GLRA2: variants seen among roughly 807,000 people sequenced by gnomAD.
GLRA2 encodes the protein glycine receptor subunit alpha-2.
A neutral mutation model predicts 31.6 loss-of-function variants in GLRA2; 11 were observed. That is an observed-to-expected ratio of 0.35 (90% CI 0.22 to 0.58). GLRA2 has a LOEUF of 0.58. GLRA2 is among the 20% of genes least tolerant of loss of function. The probability of loss-of-function intolerance (pLI) is 0.84; values close to 1 mark genes in which losing one functional copy is unlikely to be tolerated. For missense variants in GLRA2, 212 were observed against 351.8 expected, an observed-to-expected ratio of 0.60 and a Z score of 3.18; for synonymous variants, 132 against 134.0, an observed-to-expected ratio of 0.99 and a Z score of 0.10.
At chrX:14,618,147 C>T (rs2090474285) in intron 7 of GLRA2, among the ~76,000 whole-genome samples, 1 of 111,972 alleles carries the variant, frequency 8.9e-6, no homozygotes, top group Non-Finnish European at 1.9e-5. Context: ...TTCCAGGAAG[C>T]TTTCTCAAAT....
Position 14,564,465 on chromosome X carries a change from C to CT in GLRA2, c.203-9866dup, listed in dbSNP as rs760955328. Among the ~76,000 whole-genome samples the CT allele has an allele frequency of 1.8e-3, 203 of 111,654 alleles. 1 individual carries two copies. The highest frequency in any genetic ancestry group is 6.5e-3 in the African/African-American group (199 of 30,841). ...CCTACGAGAAATGATAAAGGGAGTC[C>CT]TTCAAGCTGAAATAAAAGGATGCTA... On this transcript the variant is annotated intron_variant, in intron 2 of 8. Coordinates refer to ENST00000218075, the MANE Select transcript of GLRA2 (RefSeq NM_002063.4).
rs764881648 is a variant in GLRA2, at chrX:14,615,220, G to T, written c.930+6015G>T. 3.6e-5 allele frequency among the ~76,000 whole-genome samples: 4 copies of T among 112,039 alleles called. No individual in the cohort carries two copies. In the South Asian group the frequency reaches 1.5e-3, roughly 42 times the overall value. On this transcript the variant is annotated intron_variant, in intron 7 of 8. Coordinates refer to ENST00000218075, the MANE Select transcript of GLRA2 (RefSeq NM_002063.4). ...GCACAACACCTGGTTCACAGTAGGT[G>T]CTCAGTAAAGAGTAAATCAGTGAAT...
chrX:14,686,017 G>A (rs1377374906), intron 7 of GLRA2, among the ~76,000 whole-genome samples: 1 of 111,532 alleles, frequency 9.0e-6, no homozygotes, highest in Non-Finnish European at 1.9e-5. Context: ...TTGTGTCTTT[G>A]TTCTCATTGG....
the GLRA2 span, among the ~76,000 whole-genome samples, chrX:14,487,114 T>TA: frequency 9.1e-6 from 1 of 110,406 alleles, no homozygotes; most frequent in African/African-American, 3.3e-5. Flanking sequence ...ATATATTTAA[T>TA]AAAAAACACA....
At chrX:14,523,247 C>T in the GLRA2 span, among the ~76,000 whole-genome samples, 3 of 111,766 alleles carry the variant, frequency 2.7e-5, no homozygotes, top group African/African-American at 9.8e-5. Flanking sequence ...CAGCTTCAAA[C>T]TTTTCTTCTG....
intron 7 of GLRA2, among the ~76,000 whole-genome samples, chrX:14,622,793 C>T (rs1025335431): frequency 2.7e-5 from 3 of 111,659 alleles, no homozygotes; most frequent in Non-Finnish European, 3.8e-5. Context: ...AGCGTGATGC[C>T]TCCAGCTTTA....
At chrX:14,550,274 A>T (rs187347854) in intron 2 of GLRA2, among the ~76,000 whole-genome samples, 3,073 of 105,641 alleles carry the variant, frequency 0.029, 52 homozygotes, top group East Asian at 0.061. Context: ...TTTTTTTTTT[A>T]AAATTAAGAT....
At chrX:14,478,883 G>T in the GLRA2 span, among the ~76,000 whole-genome samples, 2 of 111,982 alleles carry the variant, frequency 1.8e-5, no homozygotes, top group Admixed American at 9.5e-5. Flanking sequence ...TTGTGAGAAG[G>T]TGGGCACACA....
chrX:14,495,583 T>C, the GLRA2 span, among the ~76,000 whole-genome samples: 9 of 108,852 alleles, frequency 8.3e-5, no homozygotes, highest in African/African-American at 3.0e-4. Flanking sequence ...TCTGTGTGAG[T>C]GTGTGTATAT....
At chrX:14,583,000 A>G (rs2090039649) in intron 4 of GLRA2, among the ~76,000 whole-genome samples, 1 of 112,238 alleles carries the variant, frequency 8.9e-6, no homozygotes, top group Non-Finnish European at 1.9e-5. Flanking sequence ...AGTGCCTGAC[A>G]CAGAGTAAAT....
chrX:14,548,533 T>C (rs1191074953), intron 2 of GLRA2, among the ~76,000 whole-genome samples: 1 of 111,729 alleles, frequency 9.0e-6, no homozygotes, highest in Non-Finnish European at 1.9e-5. Context: ...AAAGGAGAAT[T>C]GTTAACTTAT....
intron 7 of GLRA2, among the ~76,000 whole-genome samples, chrX:14,647,680 TGAA>T (rs2090845636): frequency 3.6e-5 from 4 of 112,509 alleles, no homozygotes; most frequent in African/African-American, 1.3e-4. Context: ...GTTATGTAGA[TGAA>T]GAAGCATTCA....
At chrX:14,647,063 G>A (rs2090839763) in intron 7 of GLRA2, among the ~76,000 whole-genome samples, 1 of 111,435 alleles carries the variant, frequency 9.0e-6, no homozygotes, top group Non-Finnish European at 1.9e-5. Context: ...ACAGATGTTG[G>A]GCAGTGCACA....
chrX:14,561,392 G>A (rs193175343), intron 2 of GLRA2, among the ~76,000 whole-genome samples: 1 of 112,526 alleles, frequency 8.9e-6, no homozygotes, highest in African/African-American at 3.2e-5. Context: ...GCCAGGCAAA[G>A]TTGGCTTACA....
chrX:14,681,906 A>T (rs868693028), intron 7 of GLRA2, among the ~76,000 whole-genome samples: 749 of 39,102 alleles, frequency 0.019, 18 homozygotes, highest in African/African-American at 0.055. Flanking sequence ...AAAAAAAAAA[A>T]AAAAATATAT....
In GLRA2 at chrX:14,659,859, A is replaced by G. The variant is rs189291813; in HGVS notation, c.931-30851A>G. 6.5e-3 allele frequency among the ~76,000 whole-genome samples: 730 copies of G among 112,149 alleles called. 5 individuals carry two copies. The highest frequency in any genetic ancestry group is 0.023 in the African/African-American group (697 of 30,873). On this transcript the variant is annotated intron_variant, in intron 7 of 8. Transcript: ENST00000218075. ...ACAAATAGTTTTAAAATAATTTGGTAATTTGATAAATTTGTTCAATATGAC... is the reference window on the plus strand; with the variant it reads ...ACAAATAGTTTTAAAATAATTTGGTGATTTGATAAATTTGTTCAATATGAC...
At chrX:14,725,303 T>A (rs1006400672) in intron 8 of GLRA2, among the ~76,000 whole-genome samples, 4 of 112,063 alleles carry the variant, frequency 3.6e-5, no homozygotes. Context: ...GCCATTCCTC[T>A]TATATCCAGG....
At chrX:14,681,911 A>AAATATATATATATATATATATG (rs2091212386) in intron 7 of GLRA2, among the ~76,000 whole-genome samples, 1 of 56,820 alleles carries the variant, frequency 1.8e-5, no homozygotes, top group African/African-American at 8.8e-5. Context: ...AAAAAAAAAA[A>AAATATATATATATATATATATG]TATATATATA....
chrX:14,619,682 A>AT (rs766141986), intron 7 of GLRA2, among the ~76,000 whole-genome samples: 14 of 107,161 alleles, frequency 1.3e-4, no homozygotes, highest in South Asian at 1.2e-3. Context: ...CAACTTTCTA[A>AT]TTTTTTTTTT....
Sources: gnomAD v4.1 joint callset for allele counts (sites outside exome capture counted in the v4.1 genomes callset) on GRCh38, gnomAD v4.1.1 for gene constraint, MANE v1.5 for transcripts, NCBI Gene and HGNC (gene_info 2026-07-23, HGNC 2026-07-21) for gene names.